PKIG: variants seen among roughly 807,000 people sequenced by gnomAD.
PKIG encodes the protein cAMP-dependent protein kinase inhibitor gamma.
In PKIG, 1 loss-of-function variant was observed where a neutral mutation model predicts 6.8. The observed-to-expected ratio is 0.15, with a 90% CI of 0.05 to 0.69. PKIG has a LOEUF of 0.69. PKIG is among the 30% of genes least tolerant of loss of function. The probability of loss-of-function intolerance (pLI) is 0.82; values close to 1 mark genes in which losing one functional copy is unlikely to be tolerated. For missense variants in PKIG, 77 were observed against 104.0 expected (o/e 0.74, Z 1.13); for synonymous variants, 39 against 43.0 (o/e 0.91, Z 0.36).
chr20:44,581,200 C>G (rs2064945197), upstream of PKIG, among the ~76,000 whole-genome samples: 1 of 152,142 alleles, frequency 6.6e-6, no homozygotes, highest in Admixed American at 6.5e-5. Context: ...GTCTTCTTAT[C>G]CAGGAAGGAG....
chr20:44,546,948 A>T (rs1326626890), intron 1 of PKIG, among the ~76,000 whole-genome samples: 1 of 152,254 alleles, frequency 6.6e-6, no homozygotes, highest in Non-Finnish European at 1.5e-5. Flanking sequence ...TCCAAATCAC[A>T]TAGCACTTCA....
intron 2 of PKIG, among the ~76,000 whole-genome samples, chr20:44,592,958 AT>A (rs1047090611): frequency 6.6e-6 from 1 of 152,162 alleles, no homozygotes; most frequent in Admixed American, 6.5e-5. Flanking sequence ...TAATCCTAAA[AT>A]TCCTATGAAA....
chr20:44,580,602 C>T (rs2064939604), upstream of PKIG, among the ~76,000 whole-genome samples: 1 of 152,018 alleles, frequency 6.6e-6, no homozygotes, highest in African/African-American at 2.4e-5. Flanking sequence ...CCCACCTCGG[C>T]CTCCCAAAGT....
chr20:44,558,148 A>G (rs1462332837), intron 1 of PKIG, among the ~76,000 whole-genome samples: 1 of 152,200 alleles, frequency 6.6e-6, no homozygotes, highest in Non-Finnish European at 1.5e-5. Flanking sequence ...CTATTTAGAT[A>G]TACTTGAGTC....
At chr20:44,601,501 G>A (rs944523570) in intron 2 of PKIG, among the ~76,000 whole-genome samples, 2 of 152,236 alleles carry the variant, frequency 1.3e-5, no homozygotes, top group African/African-American at 4.8e-5. Flanking sequence ...TCATTTTGGG[G>A]CTCTGAGTTT....
intron 1 of PKIG, among the ~76,000 whole-genome samples, chr20:44,537,182 G>T (rs1332846467): frequency 6.6e-6 from 1 of 152,086 alleles, no homozygotes; most frequent in Non-Finnish European, 1.5e-5. Context: ...TTGGCTCACC[G>T]CAACTGCCAC....
chr20:44,598,777 G>C (rs1169981400), intron 2 of PKIG: 1 of 152,228 alleles, frequency 6.6e-6, no homozygotes, highest in East Asian at 1.9e-4. Context: ...GACCTCCATG[G>C]AAGCACAGAC....
chr20:44,538,227 T>C (rs1427241341), intron 1 of PKIG, among the ~76,000 whole-genome samples: 1 of 152,168 alleles, frequency 6.6e-6, no homozygotes, highest in Non-Finnish European at 1.5e-5. Flanking sequence ...CATTTGTAAA[T>C]AGCTCTGCAG....
upstream of PKIG, among the ~76,000 whole-genome samples, chr20:44,579,641 A>G (rs866000623): frequency 6.6e-6 from 1 of 152,254 alleles, no homozygotes; most frequent in Non-Finnish European, 1.5e-5. Flanking sequence ...CCCAGCCCAC[A>G]TAAGTGTGTC....
At chr20:44,564,274 ACT>A (rs1030937993) in intron 1 of PKIG, 3 of 152,054 alleles carry the variant, frequency 2.0e-5, no homozygotes, top group Non-Finnish European at 4.4e-5. Flanking sequence ...GTGAGGAATT[ACT>A]CTCTTTTCAC....
intron 2 of PKIG, among the ~76,000 whole-genome samples, chr20:44,591,821 C>G (rs1235659952): frequency 1.3e-5 from 2 of 152,206 alleles, no homozygotes; most frequent in Non-Finnish European, 2.9e-5. Context: ...AGAGAAATCT[C>G]TCTGTTTCGT....
At chr20:44,582,381 G>A (rs982265031), upstream of PKIG, among the ~76,000 whole-genome samples, 2 of 152,150 alleles carry the variant, frequency 1.3e-5, no homozygotes, top group Admixed American at 6.5e-5. Flanking sequence ...TTAGGCAAGC[G>A]TGGTGGCCTG....
chr20:44,594,299 C>T (rs1257675235), intron 2 of PKIG, among the ~76,000 whole-genome samples: 1 of 152,170 alleles, frequency 6.6e-6, no homozygotes, highest in Non-Finnish European at 1.5e-5. Flanking sequence ...CCCAGTAGAA[C>T]CTTACAAGTA....
chr20:44,534,606 A>G (rs1453650997), intron 1 of PKIG, among the ~76,000 whole-genome samples: 1 of 151,822 alleles, frequency 6.6e-6, no homozygotes, highest in Non-Finnish European at 1.5e-5. Flanking sequence ...GTAGCTGGGA[A>G]TACAGGTGCG....
intron 1 of PKIG, among the ~76,000 whole-genome samples, chr20:44,586,491 C>T (rs1488246418): frequency 6.6e-6 from 1 of 152,214 alleles, no homozygotes; most frequent in Non-Finnish European, 1.5e-5. Flanking sequence ...AACCTCAAAT[C>T]AGCCAGCCAG....
chr20:44,555,860 C>T (rs553757682), intron 1 of PKIG, among the ~76,000 whole-genome samples: 10 of 152,036 alleles, frequency 6.6e-5, no homozygotes, highest in African/African-American at 1.4e-4. Context: ...TTTTTTGAGA[C>T]GGAGTCTCGC....
At chr20:44,575,182 A>T (rs189155193) in intron 1 of PKIG, among the ~76,000 whole-genome samples, 9 of 152,210 alleles carry the variant, frequency 5.9e-5, no homozygotes, top group Admixed American at 5.9e-4. Flanking sequence ...CCTCCCAAGT[A>T]GCTGGGATTA....
intron 1 of PKIG, among the ~76,000 whole-genome samples, chr20:44,574,175 T>A (rs1248923018): frequency 6.6e-6 from 1 of 152,200 alleles, no homozygotes; most frequent in Admixed American, 6.5e-5. Flanking sequence ...TTAGTCTTTT[T>A]AAGGTCAAAT....
intron 2 of PKIG, among the ~76,000 whole-genome samples, chr20:44,609,909 C>T (rs1335137400): frequency 6.6e-6 from 1 of 152,198 alleles, no homozygotes; most frequent in South Asian, 2.1e-4. Flanking sequence ...AACACAGGCA[C>T]CTGGGCCATG....
Sources: gnomAD v4.1 joint callset for allele counts (sites outside exome capture counted in the v4.1 genomes callset) on GRCh38, gnomAD v4.1.1 for gene constraint, MANE v1.5 for transcripts, NCBI Gene and HGNC (gene_info 2026-07-23, HGNC 2026-07-21) for gene names.